Variants in TGFBR3 observed in about 807,000 individuals in gnomAD.
The protein encoded by TGFBR3 is transforming growth factor beta receptor type 3.
In TGFBR3, 46 loss-of-function variants were observed where a neutral mutation model predicts 87.9. The observed-to-expected ratio is 0.52, with a 90% CI of 0.41 to 0.67. The LOEUF (loss-of-function observed/expected upper bound fraction) is 0.67. Ranked by LOEUF, TGFBR3 falls within the 30% of genes least tolerant of loss-of-function variation. The probability of loss-of-function intolerance (pLI) is 0.00; values close to 1 mark genes in which losing one functional copy is unlikely to be tolerated. For synonymous variants in TGFBR3, 381 were observed against 391.6 expected (o/e 0.97, Z 0.32); for missense variants, 866 against 1,041.9 (o/e 0.83, Z 2.32).
intron 3 of TGFBR3, among the ~76,000 whole-genome samples, chr1:91,787,598 A>G (rs1675016539): frequency 6.6e-6 from 1 of 152,170 alleles, no homozygotes; most frequent in African/African-American, 2.4e-5. Context: ...CAAGGAAGTG[A>G]CAAGCAAAAT....
At chr1:91,796,307 C>T (rs369881417) in intron 3 of TGFBR3, among the ~76,000 whole-genome samples, 40 of 152,258 alleles carry the variant, frequency 2.6e-4, no homozygotes, top group East Asian at 2.5e-3. Context: ...GATGACCTTG[C>T]GCAAATAAGT....
chr1:91,869,173 T>C (rs943944479), intron 1 of TGFBR3, among the ~76,000 whole-genome samples: 2 of 152,194 alleles, frequency 1.3e-5, no homozygotes, highest in African/African-American at 4.8e-5. Context: ...TGGACCAAGT[T>C]AAACTTGGAC....
intron 2 of TGFBR3, among the ~76,000 whole-genome samples, chr1:91,838,458 C>CT (rs539093148): frequency 0.011 from 1,420 of 125,232 alleles, 28 homozygotes; most frequent in African/African-American, 0.034. Flanking sequence ...TTGGAAATCT[C>CT]TTTTTTTTTT....
At chr1:91,791,777 C>A (rs1675201991) in intron 3 of TGFBR3, among the ~76,000 whole-genome samples, 1 of 152,182 alleles carries the variant, frequency 6.6e-6, no homozygotes, top group African/African-American at 2.4e-5. Context: ...GCCCAAGCAT[C>A]CTCTTCTGCA....
intron 1 of TGFBR3, among the ~76,000 whole-genome samples, chr1:91,881,647 A>G (rs1679076674): frequency 6.6e-6 from 1 of 152,228 alleles, no homozygotes; most frequent in African/African-American, 2.4e-5. Context: ...GCGCAATGCT[A>G]AGATTTAAAA....
At chr1:91,853,814 C>T (rs1677834804) in intron 2 of TGFBR3, among the ~76,000 whole-genome samples, 1 of 152,102 alleles carries the variant, frequency 6.6e-6, no homozygotes, top group African/African-American at 2.4e-5. Context: ...GAGTTCGAGA[C>T]CAGCGTGGCC....
chr1:91,806,982 T>C (rs1281175517), intron 2 of TGFBR3, among the ~76,000 whole-genome samples: 2 of 152,134 alleles, frequency 1.3e-5, no homozygotes, highest in African/African-American at 4.8e-5. Context: ...TCGAGCTTCA[T>C]GAGAAGGAAT....
chr1:91,799,213 G>A (rs1028077235), intron 2 of TGFBR3, among the ~76,000 whole-genome samples: 1 of 152,218 alleles, frequency 6.6e-6, no homozygotes, highest in African/African-American at 2.4e-5. Context: ...TCTATTTCAG[G>A]ACTTACAGAA....
At chr1:91,817,907 T>G (rs1445962435) in intron 2 of TGFBR3, among the ~76,000 whole-genome samples, 1 of 151,436 alleles carries the variant, frequency 6.6e-6, no homozygotes, top group Non-Finnish European at 1.5e-5. Flanking sequence ...TCAATATACT[T>G]GATAATTCAC....
intron 8 of TGFBR3, among the ~76,000 whole-genome samples, chr1:91,720,719 C>A (rs1010403148): frequency 1.3e-5 from 2 of 152,210 alleles, no homozygotes; most frequent in African/African-American, 4.8e-5. Flanking sequence ...CTAGAAAAAT[C>A]TGTGATTTAA....
At position 91,681,861 on chromosome 1, in the gene TGFBR3, G is replaced by A. The variant is rs1670919926; in HGVS notation, c.*1878C>T. The A allele has an allele frequency of 2.2e-6, 1 of 452,988 alleles. No individual in the cohort carries two copies. Among genetic ancestry groups the A allele is most frequent in the South Asian group, 1.6e-5 (1 of 64,142 alleles). The allele number at this position is 452,988 out of a possible 1,614,324, so 28.1% of individuals were successfully genotyped here. On this transcript the variant is annotated 3_prime_UTR_variant, in exon 17 of 17. Coordinates refer to ENST00000212355, the MANE Select transcript of TGFBR3 (RefSeq NM_003243.5). Reference sequence around the variant, plus strand: ...CAAAGCGCAATATTTTCAAACACAGGTAGCGTAATCTAGGTCCTCCACTCT... The same window carrying A: ...CAAAGCGCAATATTTTCAAACACAGATAGCGTAATCTAGGTCCTCCACTCT...
intron 3 of TGFBR3, among the ~76,000 whole-genome samples, chr1:91,772,827 A>G (rs1674429802): frequency 6.6e-6 from 1 of 152,206 alleles, no homozygotes; most frequent in African/African-American, 2.4e-5. Context: ...CATCTTCAGT[A>G]CACATTTCAG....
chr1:91,699,808 G>A lies in TGFBR3; in HGVS notation c.2288-1678C>T, dbSNP rs17882388. ...CTAGCAGGCTAAATGACTGGTGAGC[G>A]TAGCTCTGTCCCTAGCTGGGGAAGC... On this transcript the variant is annotated intron_variant, in intron 14 of 16. Transcript: ENST00000212355. Among the ~76,000 whole-genome samples the A allele has an allele frequency of 3.9e-3, 587 of 152,310 alleles. 4 individuals carry two copies. Among genetic ancestry groups the A allele is most frequent in the African/African-American group, 0.012 (512 of 41,568 alleles).
chr1:91,724,446 G>C (rs899142974), intron 7 of TGFBR3, among the ~76,000 whole-genome samples: 5 of 152,160 alleles, frequency 3.3e-5, no homozygotes, highest in Admixed American at 3.3e-4. Flanking sequence ...CTTTCATGTT[G>C]TTGGACAGCT....
intron 6 of TGFBR3, among the ~76,000 whole-genome samples, chr1:91,729,152 C>CACACACACACACACAT (rs1672663083): frequency 3.0e-5 from 1 of 33,278 alleles, no homozygotes; most frequent in East Asian, 2.2e-3. Flanking sequence ...CTCCAGCATA[C>CACACACACACACACAT]ACACACACAC....
intron 3 of TGFBR3, among the ~76,000 whole-genome samples, chr1:91,781,677 C>A (rs772892453): frequency 1.3e-5 from 2 of 151,670 alleles, no homozygotes; most frequent in Non-Finnish European, 2.9e-5. Flanking sequence ...CAAAACAGGA[C>A]GAAAAATTGC....
chr1:91,835,760 G>C (rs1318999770), intron 2 of TGFBR3, among the ~76,000 whole-genome samples: 1 of 145,164 alleles, frequency 6.9e-6, no homozygotes, highest in East Asian at 2.0e-4. Flanking sequence ...CCCGGAAGGC[G>C]GAGCTTGCAG....
At chr1:91,766,450 T>C (rs1674190808) in intron 3 of TGFBR3, 1 of 152,206 alleles carries the variant, frequency 6.6e-6, no homozygotes, top group African/African-American at 2.4e-5. Flanking sequence ...TAGAATGGCC[T>C]GTGCATCAGT....
At chr1:91,899,936 G>A (rs944249874) in intron 1 of TGFBR3, among the ~76,000 whole-genome samples, 2 of 152,044 alleles carry the variant, frequency 1.3e-5, no homozygotes, top group Non-Finnish European at 2.9e-5. Context: ...ACTCCAGCCT[G>A]GGCAGCATAG....
Sources: gnomAD v4.1 joint callset for allele counts (sites outside exome capture counted in the v4.1 genomes callset) on GRCh38, gnomAD v4.1.1 for gene constraint, MANE v1.5 for transcripts, NCBI Gene and HGNC (gene_info 2026-07-23, HGNC 2026-07-21) for gene names.